FXYD6: variants seen among roughly 807,000 people sequenced by gnomAD.
FXYD6 encodes FXYD domain-containing ion transport regulator 6.
In FXYD6, 7 loss-of-function variants were observed where a neutral mutation model predicts 16.7. The ratio of observed to expected loss-of-function variants is 0.42; its 90% confidence interval spans 0.24 to 0.79. The LOEUF is 0.79. Ranked by LOEUF, FXYD6 falls within the 30% of genes least tolerant of loss-of-function variation. FXYD6 has a pLI of 0.28. For synonymous variants in FXYD6, 49 were observed against 43.0 expected (o/e 1.14, Z -0.54); for missense variants, 111 against 116.2 (o/e 0.95, Z 0.21).
intron 1 of FXYD6, among the ~76,000 whole-genome samples, chr11:117,871,681 C>T (rs758837715): frequency 6.6e-6 from 1 of 152,152 alleles, no homozygotes; most frequent in Non-Finnish European, 1.5e-5. Context: ...AATAATGTGT[C>T]ATTACTATCA....
chr11:117,841,062 A>G, intron 5 of FXYD6, 86 bp downstream of exon 5: 1 of 1,547,334 alleles, frequency 6.5e-7, no homozygotes, highest in African/African-American at 1.4e-5. Context: ...ATCCAAGAGA[A>G]TGCCCATTTG....
chr11:117,858,693 TTCTTTCTTTCTC>T (rs1331693043), intron 1 of FXYD6, among the ~76,000 whole-genome samples: 7 of 67,398 alleles, frequency 1.0e-4, no homozygotes, highest in African/African-American at 2.0e-4. Flanking sequence ...CTTTCTTTCT[TTCTTTCTTTCTC>T]TCTCTCTCTC....
intron 1 of FXYD6, among the ~76,000 whole-genome samples, chr11:117,865,126 T>C (rs956360429): frequency 6.6e-6 from 1 of 152,084 alleles, no homozygotes; most frequent in African/African-American, 2.4e-5. Flanking sequence ...TCAACCTCAA[T>C]AATAATTAGG....
Position 117,858,760 on chromosome 11 carries a change from CCTT to C in FXYD6, c.-5-15982_-5-15980del, listed in dbSNP as rs1384489778. On this transcript the variant is annotated intron_variant, in intron 1 of 7. Transcript: ENST00000526014. ...TCCTTCCTTCCTTCCTTCCTTCCTT[CCTT>C]CCTTCCTTCCTTCCTTCTTTCTTTT... 8.9e-5 allele frequency among the ~76,000 whole-genome samples: 12 copies of C among 135,488 alleles called. 1 individual carries two copies. Among genetic ancestry groups the C allele is most frequent in the Non-Finnish European group, 1.9e-4 (12 of 63,790 alleles). 88.9% of individuals were successfully genotyped at this position (135,488 alleles called of 152,430 possible).
intron 7 of FXYD6, 28 bp downstream of exon 7, chr11:117,839,753 G>C (rs1228844485): frequency 6.2e-7 from 1 of 1,613,930 alleles, no homozygotes; most frequent in Admixed American, 1.7e-5. Context: ...ATGGCAACAG[G>C]GGCCAATCCA....
At position 117,850,683 on chromosome 11, in the gene FXYD6, C is replaced by T. The variant is rs117923501; in HGVS notation, c.-5-7902G>A. Among the ~76,000 whole-genome samples, 125 of 151,594 alleles carry T rather than the reference C, an allele frequency of 8.2e-4. 1 individual carries two copies. In the East Asian group the frequency reaches 8.7e-3, roughly 11 times the overall value. On this transcript the variant is annotated intron_variant, in intron 1 of 7. Transcript: ENST00000526014. ...TTTTTATTTTTATTTTTTTGGGGGG[C>T]GGTCTCACTATGTTACGTAGGCTGG...
In FXYD6 at chr11:117,837,899, T is replaced by G; in HGVS notation, c.*400A>C. The G allele has an allele frequency of 2.7e-6, 1 of 373,336 alleles. No individual in the cohort carries two copies. Among genetic ancestry groups the G allele is most frequent in the Non-Finnish European group, 5.0e-6 (1 of 201,754 alleles). 23.1% of individuals were successfully genotyped at this position (373,336 alleles called of 1,614,324 possible). ...GCAGCCTCCTAGGAGCAGAAGGTGA[T>G]GGAGGGCCACGGGGGCAGGGAGGAG... On this transcript the variant is annotated 3_prime_UTR_variant, in exon 8 of 8. Coordinates refer to ENST00000526014, the MANE Select transcript of FXYD6 (RefSeq NM_022003.4). This position sits in a 1 kb window ranked among gnomAD's most constrained non-coding sequence, Gnocchi z 4.4.
chr11:117,848,879 A>G (rs1320791935), intron 1 of FXYD6, among the ~76,000 whole-genome samples: 1 of 152,108 alleles, frequency 6.6e-6, no homozygotes, highest in African/African-American at 2.4e-5. Flanking sequence ...CAGTTTCACC[A>G]GAGGTTTAAC....
rs779858982 is a variant in FXYD6, at chr11:117,873,157, C to A, written c.-6+3435G>T. ...AAACTTGGTTTCAGCTTCTAGGGCA[C>A]CTTCTGCCACACTGGGTGAAAAGGA... On this transcript the variant is annotated intron_variant, in intron 1 of 7. Coordinates refer to ENST00000526014, the MANE Select transcript of FXYD6 (RefSeq NM_022003.4). Among the ~76,000 whole-genome samples, 3 of 152,154 alleles carry A rather than the reference C, an allele frequency of 2.0e-5. No individual in the cohort carries two copies. The East Asian group carries it at 5.8e-4, about 29-fold the overall frequency.
In FXYD6 at chr11:117,840,190, G is replaced by T; in HGVS notation, c.259+129C>A. 4 of 1,224,312 alleles carry T rather than the reference G, an allele frequency of 3.3e-6. No individual in the cohort carries two copies. In the South Asian group the frequency reaches 3.8e-5, roughly 12 times the overall value. The allele number at this position is 1,224,312 out of a possible 1,614,324, so 75.8% of individuals were successfully genotyped here. A position where few individuals can be genotyped will look rare whatever the true frequency, so the allele number is the denominator to read the frequency against. The stretch of plus-strand genomic sequence containing the variant: ...GGGGCAATGCTGCAGAGGCCCTGGA[G>T]ACCCACTCTCCTGGCACTGCGGGAG... On this transcript the variant is annotated intron_variant, in intron 6 of 7. Coordinates refer to ENST00000526014, the MANE Select transcript of FXYD6 (RefSeq NM_022003.4).
intron 6 of FXYD6, chr11:117,840,110 C>T: frequency 1.5e-6 from 1 of 666,302 alleles, no homozygotes; most frequent in Non-Finnish European, 2.6e-6. Flanking sequence ...CTGGCACAAG[C>T]AGATGCTCTG....
At chr11:117,866,317 C>T (rs956060421) in intron 1 of FXYD6, among the ~76,000 whole-genome samples, 7 of 151,510 alleles carry the variant, frequency 4.6e-5, no homozygotes, top group African/African-American at 4.9e-5. Flanking sequence ...TTTTACCATA[C>T]TAAAAAAAAA....
intron 1 of FXYD6, among the ~76,000 whole-genome samples, chr11:117,865,908 C>G (rs2057003775): frequency 7.1e-6 from 1 of 140,962 alleles, no homozygotes; most frequent in African/African-American, 2.8e-5. Flanking sequence ...GGCGACAGAA[C>G]AAGATTCCAT....
intron 1 of FXYD6, among the ~76,000 whole-genome samples, chr11:117,860,073 G>C (rs1359709604): frequency 6.6e-6 from 1 of 152,230 alleles, no homozygotes; most frequent in African/African-American, 2.4e-5. Flanking sequence ...GGTAGGGAAA[G>C]AGAGGTGCCC....
At chr11:117,851,477 T>C (rs2056609865) in intron 1 of FXYD6, among the ~76,000 whole-genome samples, 1 of 152,242 alleles carries the variant, frequency 6.6e-6, no homozygotes, top group Non-Finnish European at 1.5e-5. Flanking sequence ...TGAAAGACCT[T>C]GAGCCAGAAC....
At chr11:117,858,727 T>C (rs55895420) in intron 1 of FXYD6, among the ~76,000 whole-genome samples, 489 of 46,352 alleles carry the variant, frequency 0.011, 15 homozygotes, top group African/African-American at 0.042. Context: ...TTCCTTCCCT[T>C]CCTTCCTTCC....
At chr11:117,862,296 G>A (rs1224559424) in intron 1 of FXYD6, among the ~76,000 whole-genome samples, 3 of 152,230 alleles carry the variant, frequency 2.0e-5, no homozygotes, top group Non-Finnish European at 4.4e-5. Flanking sequence ...AAGCCCTCAC[G>A]TCATCCTCCT....
rs1565309391 is a variant in FXYD6, at chr11:117,838,089, G to A, written c.*210C>T. 2.5e-5 allele frequency: 17 copies of A among 684,192 alleles called. No homozygotes were observed. The highest frequency in any genetic ancestry group is 8.1e-5 in the Admixed American group (4 of 49,426). The allele number at this position is 684,192 out of a possible 1,614,324, so 42.4% of individuals were successfully genotyped here. ...CACATCACGGGAGGTGGGCAGGACC[G>A]CAGGCTGCAGTGGGGAGGCAAGTGT... On this transcript the variant is annotated 3_prime_UTR_variant, in exon 8 of 8. Transcript: ENST00000526014.
intron 1 of FXYD6, among the ~76,000 whole-genome samples, chr11:117,875,314 G>A (rs148328308): frequency 1.3e-5 from 2 of 152,198 alleles, no homozygotes; most frequent in East Asian, 3.9e-4. Flanking sequence ...GATGTGCAGT[G>A]TGTGTGAAGT....
Sources: allele counts gnomAD v4.1 joint callset (sites outside exome capture counted in the v4.1 genomes callset), GRCh38; gene constraint gnomAD v4.1.1; non-coding constraint Gnocchi (gnomAD v3.1); transcripts MANE v1.5; gene names NCBI Gene and HGNC (gene_info 2026-07-23, HGNC 2026-07-21).